The following HHAT variants were observed in gnomAD, a reference collection of about 807,000 sequenced individuals.
The protein encoded by HHAT is hedgehog acyltransferase.
A neutral mutation model predicts 70.8 loss-of-function variants in HHAT; 47 were observed. The observed-to-expected ratio is 0.66, with a 90% confidence interval of 0.53 to 0.85. HHAT has a LOEUF of 0.85. HHAT is among the 40% of genes least tolerant of loss of function. The probability of loss-of-function intolerance (pLI) is 0.00; values close to 1 mark genes in which losing one functional copy is unlikely to be tolerated. For missense variants in HHAT, 609 were observed against 604.8 expected (o/e 1.01, Z -0.07); for synonymous variants, 228 against 247.6 (o/e 0.92, Z 0.74).
rs116328957 is a variant in HHAT, at chr1:210,375,328, C to T, written c.160-12140C>T. 2.9e-3 allele frequency among the ~76,000 whole-genome samples: 443 copies of T among 152,126 alleles called. 4 individuals carry two copies. Among genetic ancestry groups the T allele is most frequent in the African/African-American group, 0.01 (434 of 41,484 alleles). On this transcript the variant is annotated intron_variant, in intron 3 of 11. Coordinates refer to ENST00000261458, the MANE Select transcript of HHAT (RefSeq NM_018194.6). ...ACACACACATTTAGGATTCTTATAT[C>T]TTATTGGTGAGAAGATATTTTTATC...
At chr1:210,382,772 G>A (rs1017815391) in intron 3 of HHAT, among the ~76,000 whole-genome samples, 2 of 152,106 alleles carry the variant, frequency 1.3e-5, no homozygotes, top group Non-Finnish European at 2.9e-5. Flanking sequence ...TGTGGTTACG[G>A]GGCATAAATG....
intron 11 of HHAT, among the ~76,000 whole-genome samples, chr1:210,668,894 G>C (rs1219854372): frequency 6.6e-6 from 1 of 151,934 alleles, no homozygotes; most frequent in Non-Finnish European, 1.5e-5. Flanking sequence ...CTGTCTCAGC[G>C]TCCCCAGTAG....
intron 3 of HHAT, among the ~76,000 whole-genome samples, chr1:210,363,375 G>C (rs1391941020): frequency 6.6e-6 from 1 of 152,198 alleles, no homozygotes; most frequent in Non-Finnish European, 1.5e-5. Flanking sequence ...CAGGTGGCTG[G>C]CTCGCTTGTC....
chr1:210,422,438 T>C (rs1364454939), intron 7 of HHAT, among the ~76,000 whole-genome samples: 1 of 152,206 alleles, frequency 6.6e-6, no homozygotes, highest in Admixed American at 6.5e-5. Flanking sequence ...TCTAGTATTT[T>C]ATCTTCTGTT....
intron 7 of HHAT, chr1:210,439,773 A>T (rs1465916786): frequency 6.6e-6 from 1 of 151,920 alleles, no homozygotes; most frequent in Admixed American, 6.5e-5. Context: ...GATCAGCCTC[A>T]TCTGAAAGCC....
intron 8 of HHAT, among the ~76,000 whole-genome samples, chr1:210,487,634 G>A (rs987255546): frequency 1.3e-5 from 2 of 152,160 alleles, no homozygotes; most frequent in South Asian, 2.1e-4. Context: ...AGAAGATGTT[G>A]CTCCAAAATA....
chr1:210,633,045 C>A (rs1455924198), intron 11 of HHAT, among the ~76,000 whole-genome samples: 1 of 152,152 alleles, frequency 6.6e-6, no homozygotes, highest in Non-Finnish European at 1.5e-5. Flanking sequence ...AGATTTCTAG[C>A]CTCCGTAACA....
At chr1:210,400,387 T>C (rs1173606762) in intron 4 of HHAT, 81 bp from the exon 5 acceptor site, 1 of 1,287,088 alleles carries the variant, frequency 7.8e-7, no homozygotes, top group Non-Finnish European at 1.1e-6. Flanking sequence ...TCAATATCAC[T>C]TCCATGAGCT....
chr1:210,357,053 G>T (rs1380110209), intron 2 of HHAT, among the ~76,000 whole-genome samples: 1 of 152,232 alleles, frequency 6.6e-6, no homozygotes, highest in African/African-American at 2.4e-5. Context: ...CAAACATTCT[G>T]TTTGGTGATG....
chr1:210,473,471 A>G (rs992872039), intron 8 of HHAT, among the ~76,000 whole-genome samples: 2 of 151,952 alleles, frequency 1.3e-5, no homozygotes, highest in Non-Finnish European at 2.9e-5. Flanking sequence ...TTTTGTTTTC[A>G]GTTTACAGCA....
At chr1:210,632,036 A>T (rs2148892380) in intron 11 of HHAT, among the ~76,000 whole-genome samples, 1 of 152,246 alleles carries the variant, frequency 6.6e-6, no homozygotes, top group South Asian at 2.1e-4. Flanking sequence ...TAGTTGGGCC[A>T]TTTTTCTCTG....
At chr1:210,527,392 A>G (rs542503939) in intron 9 of HHAT, among the ~76,000 whole-genome samples, 2 of 152,204 alleles carry the variant, frequency 1.3e-5, no homozygotes, top group South Asian at 2.1e-4. Flanking sequence ...CACTTTCCTT[A>G]TCTGTAAAAT....
chr1:210,462,609 A>G (rs1457345831), intron 7 of HHAT: 1 of 152,270 alleles, frequency 6.6e-6, no homozygotes, highest in African/African-American at 2.4e-5. Flanking sequence ...TCCAGCAGGT[A>G]TGACTGTAGT....
intron 9 of HHAT, among the ~76,000 whole-genome samples, chr1:210,566,821 C>T (rs1573379313): frequency 6.6e-6 from 1 of 152,208 alleles, no homozygotes; most frequent in African/African-American, 2.4e-5. Flanking sequence ...TTCAGGGATG[C>T]TGGACAAGAG....
chr1:210,544,777 G>A (rs541993950), intron 9 of HHAT, among the ~76,000 whole-genome samples: 70 of 152,230 alleles, frequency 4.6e-4, no homozygotes, highest in African/African-American at 1.7e-3. Flanking sequence ...TTCAAAACAT[G>A]CATGATCTTT....
intron 10 of HHAT, among the ~76,000 whole-genome samples, chr1:210,610,479 T>A (rs1666358017): frequency 6.6e-6 from 1 of 152,212 alleles, no homozygotes; most frequent in African/African-American, 2.4e-5. Flanking sequence ...GTCTGTTCAC[T>A]CTGATAGTTT....
At chr1:210,453,204 C>A (rs1238798668) in intron 7 of HHAT, among the ~76,000 whole-genome samples, 1 of 152,156 alleles carries the variant, frequency 6.6e-6, no homozygotes, top group East Asian at 1.9e-4. Context: ...AGATTCCTTT[C>A]TTTTTCCCCT....
chr1:210,535,296 G>A (rs1430906161), intron 9 of HHAT, among the ~76,000 whole-genome samples: 1 of 152,088 alleles, frequency 6.6e-6, no homozygotes, highest in Non-Finnish European at 1.5e-5. Flanking sequence ...AGGGTTTTGT[G>A]TAGATTGGGT....
intron 7 of HHAT, among the ~76,000 whole-genome samples, chr1:210,439,988 C>T (rs1444718197): frequency 2.0e-5 from 3 of 151,748 alleles, no homozygotes; most frequent in African/African-American, 7.3e-5. Context: ...GATAAAACTT[C>T]TGGGGTTTTT....
Sources: allele counts gnomAD v4.1 joint callset (sites outside exome capture counted in the v4.1 genomes callset), GRCh38; gene constraint gnomAD v4.1.1; transcripts MANE v1.5; gene names NCBI Gene and HGNC (gene_info 2026-07-23, HGNC 2026-07-21).